Variants in SLC66A2 observed in about 807,000 individuals in gnomAD.
The protein encoded by SLC66A2 is solute carrier family 66 member 2.
In SLC66A2, 23 loss-of-function variants were observed where a neutral mutation model predicts 25.5. The observed-to-expected ratio is 0.90, with a 90% CI of 0.65 to 1.28. The LOEUF is 1.28. SLC66A2 is among the 50% of genes most tolerant of loss of function. SLC66A2 has a pLI of 0.00. For synonymous variants in SLC66A2, 193 were observed against 166.5 expected, an observed-to-expected ratio of 1.16 and a Z score of -1.23; for missense variants, 396 against 373.1, an observed-to-expected ratio of 1.06 and a Z score of -0.51.
chr18:79,927,334 C>G lies in SLC66A2; in HGVS notation c.391+6635G>C, dbSNP rs1161292454. Reference sequence around the variant, plus strand: ...GTCGGGAGAGCCCCGGGCAGGCACACAGGGGCTCATCTGGAGGGACCTGAG... The same window carrying G: ...GTCGGGAGAGCCCCGGGCAGGCACAGAGGGGCTCATCTGGAGGGACCTGAG... On this transcript the variant is annotated intron_variant, in intron 4 of 5. Coordinates refer to ENST00000397778, the MANE Select transcript of SLC66A2 (RefSeq NM_025078.5). This position sits in a 1 kb window ranked among gnomAD's most constrained non-coding sequence, Gnocchi z 6.2. 6.6e-6 allele frequency among the ~76,000 whole-genome samples: 1 copy of G among 151,872 alleles called. No individual in the cohort carries two copies. The highest frequency in any genetic ancestry group is 1.5e-5 in the Non-Finnish European group (1 of 68,012).
rs902984806 is a variant in SLC66A2, at chr18:79,903,799, C to G, written c.*177G>C. ...GTCCCCGCTGAGCACAAACAGCGTC[C>G]CAGCCCCACCCCCACTGCCCACCCT... On this transcript the variant is annotated 3_prime_UTR_variant, in exon 6 of 6. Transcript: ENST00000397778. 2.7e-5 allele frequency: 16 copies of G among 585,578 alleles called. No homozygotes were observed. Among genetic ancestry groups the G allele is most frequent in the Non-Finnish European group, 4.1e-5 (14 of 339,470 alleles). The allele number at this position is 585,578 out of a possible 1,614,324, so 36.3% of individuals were successfully genotyped here.
At chr18:79,909,804 T>C (rs1448504861) in intron 5 of SLC66A2, among the ~76,000 whole-genome samples, 2 of 79,192 alleles carry the variant, frequency 2.5e-5, no homozygotes, top group East Asian at 8.2e-4. Flanking sequence ...CCCCACCATC[T>C]CACAAGAGTC....
intron 3 of SLC66A2, among the ~76,000 whole-genome samples, chr18:79,938,106 A>G (rs1987284529): frequency 6.6e-6 from 1 of 150,736 alleles, no homozygotes; most frequent in Non-Finnish European, 1.5e-5. Flanking sequence ...TGATAACACC[A>G]CTGCACTCCA....
intron 3 of SLC66A2, among the ~76,000 whole-genome samples, chr18:79,938,112 C>T (rs1987285103): frequency 6.7e-6 from 1 of 149,362 alleles, no homozygotes; most frequent in African/African-American, 2.5e-5. Flanking sequence ...CACCACTGCA[C>T]TCCAGCCTGG....
intron 4 of SLC66A2, among the ~76,000 whole-genome samples, chr18:79,920,152 A>G (rs200817103): frequency 0.19 from 1,306 of 6,982 alleles, 33 homozygotes; most frequent in East Asian, 0.44. Context: ...AGGGTCAGTG[A>G]GGAGAGACAG....
chr18:79,945,086 A>G (rs556307593), intron 2 of SLC66A2: 11 of 152,662 alleles, frequency 7.2e-5, no homozygotes, highest in African/African-American at 2.4e-4. Context: ...TAGCCCCCTC[A>G]GCAGGTGAGC....
intron 3 of SLC66A2, among the ~76,000 whole-genome samples, chr18:79,943,114 C>A (rs1431230711): frequency 6.6e-6 from 1 of 152,180 alleles, no homozygotes; most frequent in African/African-American, 2.4e-5. Context: ...CACCCAACTT[C>A]CAGTGAAGAA....
chr18:79,931,602 T>C (rs1247133940), intron 4 of SLC66A2, among the ~76,000 whole-genome samples: 2 of 152,130 alleles, frequency 1.3e-5, no homozygotes, highest in African/African-American at 4.8e-5. Flanking sequence ...GAACAATAAA[T>C]CATAGACTTG....
intron 5 of SLC66A2, among the ~76,000 whole-genome samples, chr18:79,910,771 G>A (rs1011100007): frequency 2.6e-5 from 4 of 152,236 alleles, no homozygotes; most frequent in African/African-American, 7.2e-5. Flanking sequence ...GTGTTCCAGT[G>A]TAGACGGAGG....
intron 5 of SLC66A2, among the ~76,000 whole-genome samples, chr18:79,905,920 G>C (rs529875075): frequency 6.6e-6 from 1 of 152,172 alleles, no homozygotes; most frequent in African/African-American, 2.4e-5. Context: ...TCTGGAAAAA[G>C]AGCCTTTTCA....
At chr18:79,916,627 G>C (rs1258471839) in intron 5 of SLC66A2, among the ~76,000 whole-genome samples, 3 of 152,242 alleles carry the variant, frequency 2.0e-5, no homozygotes, top group Non-Finnish European at 4.4e-5. Context: ...GGGGAGAGCT[G>C]AATTTGCGGG....
chr18:79,906,086 C>A (rs1982088991), intron 5 of SLC66A2, among the ~76,000 whole-genome samples: 1 of 152,166 alleles, frequency 6.6e-6, no homozygotes, highest in African/African-American at 2.4e-5. Flanking sequence ...TCTTTTGATG[C>A]CTGTGGGGTC....
rs775217749 is a variant in SLC66A2 at position 79,916,277 on chromosome 18, G to A, written c.608+2907C>T. Among the ~76,000 whole-genome samples, 79 of 126,946 alleles carry A rather than the reference G, an allele frequency of 6.2e-4. 1 individual carries two copies. Among genetic ancestry groups the A allele is most frequent in the African/African-American group, 2.4e-3 (72 of 29,498 alleles). 83.3% of individuals were successfully genotyped at this position (126,946 alleles called of 152,430 possible). ...TCATAGCCGCAGTGCTCCCGTACCC[G>A]TGGTGCTCCCGTACCCGTGGTGCTC... On this transcript the variant is annotated intron_variant, in intron 5 of 5. Transcript: ENST00000397778.
chr18:79,944,430 T>C (rs1324637327), intron 2 of SLC66A2: 2 of 152,492 alleles, frequency 1.3e-5, no homozygotes, highest in Admixed American at 1.3e-4. Context: ...CCAGGCCTTC[T>C]TGCTGACTTT....
Position 79,903,831 on chromosome 18 carries a change from C to A in SLC66A2, c.*145G>T. 1.8e-5 allele frequency: 12 copies of A among 670,616 alleles called. No homozygotes were observed. The highest frequency in any genetic ancestry group is 1.2e-5 in the Non-Finnish European group (5 of 410,468). 41.5% of individuals were successfully genotyped at this position (670,616 alleles called of 1,614,324 possible). A position where few individuals can be genotyped will look rare whatever the true frequency, so the allele number is the denominator to read the frequency against. On this transcript the variant is annotated 3_prime_UTR_variant, in exon 6 of 6. Transcript: ENST00000397778. ...CACCCCCACTGCCCACCCTGAGACA[C>A]CCCACAGAGGCTGATGGAGACCCCA... is the stretch of plus-strand genomic sequence containing the variant.
In SLC66A2 at chr18:79,916,196, TGCTCCCGTACCCGC is replaced by T. The variant is rs1984091089; in HGVS notation, c.608+2974_608+2987del. On this transcript the variant is annotated intron_variant, in intron 5 of 5. Transcript: ENST00000397778. Reference sequence around the variant, plus strand: ...CTCCCGTACCCTCCCATACCCACGGTGCTCCCGTACCCGCGGCGCTCTTGTACCTGCGGCACTCC... The same window carrying T: ...CTCCCGTACCCTCCCATACCCACGGTGGCGCTCTTGTACCTGCGGCACTCC... Among the ~76,000 whole-genome samples, 2 of 94,314 alleles carry T rather than the reference TGCTCCCGTACCCGC, an allele frequency of 2.1e-5. 1 individual carries two copies. Among genetic ancestry groups the T allele is most frequent in the Non-Finnish European group, 4.6e-5 (2 of 43,862 alleles). The allele number at this position is 94,314 out of a possible 152,430, so 61.9% of individuals were successfully genotyped here.
chr18:79,915,213 T>C (rs1364640941), intron 5 of SLC66A2, among the ~76,000 whole-genome samples: 1 of 151,976 alleles, frequency 6.6e-6, no homozygotes, highest in Non-Finnish European at 1.5e-5. Flanking sequence ...CGATGGTCAC[T>C]CTTAAAAGCG....
chr18:79,926,408 G>A (rs911442573), intron 4 of SLC66A2, among the ~76,000 whole-genome samples: 3 of 152,114 alleles, frequency 2.0e-5, no homozygotes, highest in African/African-American at 7.2e-5. Flanking sequence ...GGACTGGGAT[G>A]GCTGGAGGGC....
intron 1 of SLC66A2, 118 bp from the exon 2 acceptor site, chr18:79,951,143 C>T (rs1461418147): frequency 2.5e-5 from 6 of 243,746 alleles, no homozygotes; most frequent in Non-Finnish European, 4.6e-5. Flanking sequence ...GACCGGGGCC[C>T]GGGGCGCGCG....
Sources: allele counts gnomAD v4.1 joint callset (sites outside exome capture counted in the v4.1 genomes callset), GRCh38; gene constraint gnomAD v4.1.1; non-coding constraint Gnocchi (gnomAD v3.1); transcripts MANE v1.5; gene names NCBI Gene and HGNC (gene_info 2026-07-23, HGNC 2026-07-21).